Variants in CCSER1 observed in about 807,000 individuals in gnomAD.
CCSER1 encodes serine-rich coiled-coil domain-containing protein 1.
In CCSER1, 41 loss-of-function variants were observed where a neutral mutation model predicts 82.0. That is an observed-to-expected ratio of 0.50 (90% CI 0.39 to 0.65). CCSER1 has a LOEUF of 0.65. CCSER1 is among the 30% of genes least tolerant of loss of function. CCSER1 has a pLI of 0.00. For synonymous variants in CCSER1, 414 were observed against 383.9 expected (o/e 1.08, Z -0.92); for missense variants, 1,119 against 1,064.2 (o/e 1.05, Z -0.72).
intron 10 of CCSER1, among the ~76,000 whole-genome samples, chr4:91,449,245 G>A (rs1755741504): frequency 2.0e-5 from 3 of 151,828 alleles, no homozygotes; most frequent in South Asian, 4.1e-4. Flanking sequence ...AAGCAGATGT[G>A]GTAATATTTT....
chr4:90,267,696 T>C (rs1725490560), intron 1 of CCSER1, among the ~76,000 whole-genome samples: 1 of 152,144 alleles, frequency 6.6e-6, no homozygotes, highest in South Asian at 2.1e-4. Context: ...TCCCTGGTCA[T>C]CCAGATAATT....
intron 8 of CCSER1, among the ~76,000 whole-genome samples, chr4:90,817,642 TAA>T (rs57646927): frequency 3.3e-5 from 5 of 151,756 alleles, no homozygotes; most frequent in African/African-American, 1.2e-4. Context: ...ATGTTAACTT[TAA>T]AAAAAATATA....
chr4:90,577,772 G>A (rs1410520310), intron 5 of CCSER1, among the ~76,000 whole-genome samples: 1 of 152,038 alleles, frequency 6.6e-6, no homozygotes, highest in Admixed American at 6.6e-5. Flanking sequence ...CATTGTCTGA[G>A]TTAACAATAT....
intron 6 of CCSER1, among the ~76,000 whole-genome samples, chr4:90,689,840 A>G (rs767105031): frequency 5.9e-5 from 9 of 152,090 alleles, no homozygotes; most frequent in African/African-American, 2.2e-4. Context: ...CTGACCCTAG[A>G]CAAAGAAGTA....
intron 1 of CCSER1, among the ~76,000 whole-genome samples, chr4:90,292,704 T>C (rs1168045769): frequency 1.3e-5 from 2 of 151,964 alleles, no homozygotes; most frequent in East Asian, 3.9e-4. Flanking sequence ...TTTGTGGATA[T>C]ACTCATATTT....
intron 10 of CCSER1, among the ~76,000 whole-genome samples, chr4:91,102,200 T>A (rs758018082): frequency 2.6e-5 from 4 of 152,138 alleles, no homozygotes; most frequent in African/African-American, 9.7e-5. Flanking sequence ...GTATGTTAGA[T>A]CCCATGCAAT....
intron 3 of CCSER1, among the ~76,000 whole-genome samples, chr4:90,397,827 A>G (rs368284473): frequency 3.9e-5 from 6 of 152,326 alleles, no homozygotes; most frequent in African/African-American, 1.2e-4. Context: ...ATCTTTTTCT[A>G]GAAGTTTACA....
At chr4:91,450,192 C>T (rs940630734) in intron 10 of CCSER1, among the ~76,000 whole-genome samples, 10 of 151,970 alleles carry the variant, frequency 6.6e-5, no homozygotes, top group Non-Finnish European at 1.5e-4. Context: ...GGGAGAGACT[C>T]TTCTACTCAA....
chr4:91,461,063 A>G (rs17018542), intron 10 of CCSER1, among the ~76,000 whole-genome samples: 17,915 of 152,218 alleles, frequency 0.12, 1,177 homozygotes, highest in Middle Eastern at 0.2. Context: ...TGAGGTAGGT[A>G]AATCTCTTTT....
intron 1 of CCSER1, among the ~76,000 whole-genome samples, chr4:90,294,182 T>C (rs1731435042): frequency 6.6e-6 from 1 of 152,028 alleles, no homozygotes; most frequent in South Asian, 2.1e-4. Flanking sequence ...AAAATCTATA[T>C]AAAGTATAAA....
chr4:91,173,187 GATTA>G (rs1315485703), intron 10 of CCSER1, among the ~76,000 whole-genome samples: 1 of 152,178 alleles, frequency 6.6e-6, no homozygotes, highest in African/African-American at 2.4e-5. Flanking sequence ...TGAAGATTTT[GATTA>G]ATTTATTCAG....
chr4:91,577,542 T>G (rs73836231), intron 10 of CCSER1, among the ~76,000 whole-genome samples: 1 of 151,984 alleles, frequency 6.6e-6, no homozygotes, highest in Non-Finnish European at 1.5e-5. Context: ...TTAATTACAA[T>G]GAATAGTATT....
At chr4:90,558,227 T>C (rs945201491) in intron 5 of CCSER1, among the ~76,000 whole-genome samples, 1 of 152,128 alleles carries the variant, frequency 6.6e-6, no homozygotes, top group Non-Finnish European at 1.5e-5. Flanking sequence ...CATAGCTGGG[T>C]TGCAATTAAA....
chr4:90,892,094 T>G (rs1268949099), intron 8 of CCSER1, among the ~76,000 whole-genome samples: 1 of 152,140 alleles, frequency 6.6e-6, no homozygotes, highest in Non-Finnish European at 1.5e-5. Context: ...GTTTTTTATC[T>G]TGTTAAACGT....
intron 10 of CCSER1, among the ~76,000 whole-genome samples, chr4:91,382,614 C>T (rs1339550213): frequency 6.6e-6 from 1 of 152,134 alleles, no homozygotes; most frequent in Non-Finnish European, 1.5e-5. Context: ...CCACAGCTTC[C>T]CTTGGCTAGG....
intron 4 of CCSER1, among the ~76,000 whole-genome samples, chr4:90,407,821 C>G (rs183483127): frequency 6.6e-6 from 1 of 152,044 alleles, no homozygotes; most frequent in Non-Finnish European, 1.5e-5. Context: ...CTACATGAGC[C>G]GAAGCAGGGT....
intron 9 of CCSER1, chr4:90,938,803 C>A: frequency 4.2e-6 from 1 of 238,308 alleles, no homozygotes; most frequent in East Asian, 1.1e-4. Context: ...TGAGTAAAAT[C>A]AATTTTTTCA....
At chr4:90,718,256 T>C (rs1742006085) in intron 6 of CCSER1, among the ~76,000 whole-genome samples, 1 of 152,082 alleles carries the variant, frequency 6.6e-6, no homozygotes, top group East Asian at 1.9e-4. Flanking sequence ...TTTACCCTAA[T>C]GGCTTAAAAA....
intron 1 of CCSER1, among the ~76,000 whole-genome samples, chr4:90,136,369 AAAG>A (rs1723704130): frequency 6.6e-6 from 1 of 152,164 alleles, no homozygotes. Flanking sequence ...AAAGGTAAAA[AAAG>A]AAGTGTTTGC....
Sources: gnomAD v4.1 joint callset for allele counts (sites outside exome capture counted in the v4.1 genomes callset) on GRCh38, gnomAD v4.1.1 for gene constraint, MANE v1.5 for transcripts, NCBI Gene and HGNC (gene_info 2026-07-23, HGNC 2026-07-21) for gene names.